STX1B: variants seen among roughly 807,000 people sequenced by gnomAD.
STX1B encodes the protein syntaxin 1B.
Under a neutral mutation model 39.4 loss-of-function variants are expected in STX1B, and 7 were observed. The ratio of observed to expected loss-of-function variants is 0.18; its 90% CI spans 0.10 to 0.33. STX1B has a LOEUF of 0.33. Among genes scored for constraint, STX1B ranks in the 10% least tolerant of loss-of-function variants. STX1B has a pLI of 1.00. For synonymous variants in STX1B, 136 were observed against 144.1 expected, an observed-to-expected ratio of 0.94 and a Z score of 0.40; for missense variants, 198 against 383.2, an observed-to-expected ratio of 0.52 and a Z score of 4.04.
At chr16:31,007,984 C>T (rs2056662894) in intron 1 of STX1B, among the ~76,000 whole-genome samples, 1 of 152,162 alleles carries the variant, frequency 6.6e-6, no homozygotes, top group Non-Finnish European at 1.5e-5. Context: ...CAGTCTGGCT[C>T]CCGAAACCAC....
intron 1 of STX1B, among the ~76,000 whole-genome samples, chr16:31,002,574 G>A (rs1299570685): frequency 6.6e-6 from 1 of 152,220 alleles, no homozygotes; most frequent in Non-Finnish European, 1.5e-5. Context: ...CACTGGGCTT[G>A]TTCTTCCAGC....
intron 1 of STX1B, among the ~76,000 whole-genome samples, chr16:31,009,037 C>T (rs1359575503): frequency 1.3e-5 from 2 of 152,042 alleles, no homozygotes; most frequent in Non-Finnish European, 2.9e-5. Context: ...CTTTAAAATT[C>T]CCTCCCTCAG....
At chr16:30,996,877 A>G in intron 6 of STX1B, 74 bp downstream of exon 6, 1 of 1,567,616 alleles carries the variant, frequency 6.4e-7, no homozygotes, top group Non-Finnish European at 8.7e-7. Context: ...GGCCCCCTCC[A>G]GAGAGGAAAT....
rs1159275053 is a variant in STX1B at position 30,991,223 on chromosome 16, C to A, written c.*1598G>T. On this transcript the variant is annotated 3_prime_UTR_variant, in exon 10 of 10. Coordinates refer to ENST00000215095, the MANE Select transcript of STX1B (RefSeq NM_052874.5). ...CGTGCATGGTTTGTGCCTGGTATGG[C>A]CCCTGCCTGGGGCCACCTCGGCCTT... The A allele has an allele frequency of 6.5e-6, 1 of 152,776 alleles. No homozygotes were observed. The highest frequency in any genetic ancestry group is 6.5e-5 in the Admixed American group (1 of 15,284). 9.5% of individuals were successfully genotyped at this position (152,776 alleles called of 1,614,324 possible). A position where few individuals can be genotyped will look rare whatever the true frequency, so the allele number is the denominator to read the frequency against.
At chr16:30,994,553 T>C (rs576815240) in intron 7 of STX1B, among the ~76,000 whole-genome samples, 17 of 150,026 alleles carry the variant, frequency 1.1e-4, no homozygotes, top group African/African-American at 3.9e-4. Flanking sequence ...TTGCTTCACT[T>C]CACTCCAACA....
rs893700481 is a variant in STX1B at position 31,008,170 on chromosome 16, G to A, written c.30+2197C>T. 7.9e-5 allele frequency among the ~76,000 whole-genome samples: 12 copies of A among 151,930 alleles called. No homozygotes were observed. In the East Asian group the frequency reaches 2.3e-3, roughly 29 times the overall value. ...CTGCCAGGTGTCTCCTGCATCCCAG[G>A]CTCCTTGCTTTCAACTGTAGCAGGG... On this transcript the variant is annotated intron_variant, in intron 1 of 9. Coordinates refer to ENST00000215095, the MANE Select transcript of STX1B (RefSeq NM_052874.5).
intron 7 of STX1B, 70 bp downstream of exon 7, chr16:30,996,613 G>A: frequency 7.0e-7 from 1 of 1,429,676 alleles, no homozygotes; most frequent in South Asian, 1.2e-5. Context: ...TAGGACCTTA[G>A]TTCAACCTGA....
At chr16:31,007,944 G>C (rs982201078) in intron 1 of STX1B, among the ~76,000 whole-genome samples, 2 of 152,198 alleles carry the variant, frequency 1.3e-5, no homozygotes, top group Non-Finnish European at 2.9e-5. Context: ...GGTCTCACAG[G>C]AAGTAGCAAA....
chr16:30,998,971 G>C (rs577626001), intron 4 of STX1B, among the ~76,000 whole-genome samples: 3 of 152,154 alleles, frequency 2.0e-5, no homozygotes, highest in Non-Finnish European at 4.4e-5. Flanking sequence ...CTCCAGCTCA[G>C]CTAGAACAAC....
At chr16:31,008,706 G>A (rs1436293372) in intron 1 of STX1B, among the ~76,000 whole-genome samples, 1 of 152,140 alleles carries the variant, frequency 6.6e-6, no homozygotes, top group African/African-American at 2.4e-5. Context: ...AGCCTGCTCT[G>A]CAAACTGAGG....
Position 30,993,286 on chromosome 16 carries a change from G to A in STX1B, c.676-46C>T, listed in dbSNP as rs1203731038. On this transcript the variant is annotated intron_variant, in intron 8 of 9. Transcript: ENST00000215095. ...CACAGGGAGGGATGGGGGCTGGGCT[G>A]GAAGAGGGGACCTCAGGCCCAGGGA... 4 of 1,613,432 alleles carry A rather than the reference G, an allele frequency of 2.5e-6. No individual in the cohort carries two copies. The South Asian group carries it at 4.4e-5, about 18-fold the overall frequency.
chr16:31,009,892 ACAC>A (rs948492359), intron 1 of STX1B, among the ~76,000 whole-genome samples: 4 of 151,866 alleles, frequency 2.6e-5, no homozygotes, highest in African/African-American at 9.7e-5. Context: ...ACACACACAC[ACAC>A]TTCATTCACT....
chr16:30,997,701 G>A (rs2056603308), intron 4 of STX1B, 126 bp from the exon 5 acceptor site: 1 of 879,556 alleles, frequency 1.1e-6, no homozygotes, highest in Non-Finnish European at 1.8e-6. Context: ...TCCCCAGGGC[G>A]AGTTGCGGGC....
At chr16:31,004,037 C>A (rs1223408468) in intron 1 of STX1B, among the ~76,000 whole-genome samples, 1 of 152,208 alleles carries the variant, frequency 6.6e-6, no homozygotes, top group Non-Finnish European at 1.5e-5. Flanking sequence ...CTACCTCCCC[C>A]ACTGACTTTC....
intron 1 of STX1B, among the ~76,000 whole-genome samples, chr16:31,004,739 C>G (rs2056647391): frequency 6.6e-6 from 1 of 152,054 alleles, no homozygotes; most frequent in Non-Finnish European, 1.5e-5. Flanking sequence ...GGCTCTACCC[C>G]TGAGCCTAGT....
At chr16:30,994,278 C>T (rs1397213312) in intron 7 of STX1B, among the ~76,000 whole-genome samples, 6 of 110,668 alleles carry the variant, frequency 5.4e-5, no homozygotes, top group Admixed American at 2.0e-4. Context: ...AGCCACAGAG[C>T]GAGACTCCGT....
intron 7 of STX1B, among the ~76,000 whole-genome samples, chr16:30,994,714 C>G (rs1351079304): frequency 6.6e-6 from 1 of 152,088 alleles, no homozygotes; most frequent in Non-Finnish European, 1.5e-5. Flanking sequence ...GTTCTTACCA[C>G]ATTGAGCCAC....
rs1009952145 is a variant in STX1B, at chr16:30,992,941, G to A, written c.787-40C>T. On this transcript the variant is annotated intron_variant, in intron 9 of 9. Transcript: ENST00000215095. ...GGAGTGAGACAGGCAGACAGTGAGAGAGATCGACACACGGACAGATGCAGG... is the reference window on the plus strand; with the variant it reads ...GGAGTGAGACAGGCAGACAGTGAGAAAGATCGACACACGGACAGATGCAGG... The A allele has an allele frequency of 3.2e-6, 5 of 1,550,474 alleles. No individual in the cohort carries two copies. In the African/African-American group the frequency reaches 6.8e-5, roughly 21 times the overall value.
intron 6 of STX1B, 77 bp from the exon 7 acceptor site, chr16:30,996,833 T>TGGGGCCC: frequency 6.3e-7 from 1 of 1,577,410 alleles, no homozygotes. Flanking sequence ...GGCGGGGACC[T>TGGGGCCC]GGGGCCCACC....
Sources: gnomAD v4.1 joint callset for allele counts (sites outside exome capture counted in the v4.1 genomes callset) on GRCh38, gnomAD v4.1.1 for gene constraint, MANE v1.5 for transcripts, NCBI Gene and HGNC (gene_info 2026-07-23, HGNC 2026-07-21) for gene names.